GALNT18: variants seen among roughly 807,000 people sequenced by gnomAD.
GALNT18 encodes the protein GalNAc-transferase 18.
A neutral mutation model predicts 69.5 loss-of-function variants in GALNT18; 44 were observed. The ratio of observed to expected loss-of-function variants is 0.63; its 90% CI spans 0.50 to 0.81. GALNT18 has a LOEUF of 0.81. Among genes scored for constraint, GALNT18 ranks in the 40% least tolerant of loss-of-function variants. The probability of loss-of-function intolerance (pLI) is 0.00; values close to 1 mark genes in which losing one functional copy is unlikely to be tolerated. For synonymous variants in GALNT18, 364 were observed against 318.2 expected, an observed-to-expected ratio of 1.14 and a Z score of -1.53; for missense variants, 715 against 810.0, an observed-to-expected ratio of 0.88 and a Z score of 1.42.
chr11:11,474,463 T>C lies in GALNT18; in HGVS notation c.236-25527A>G, dbSNP rs376820741. Among the ~76,000 whole-genome samples the C allele has an allele frequency of 6.6e-4, 100 of 152,160 alleles. 3 individuals carry two copies. The South Asian group carries it at 0.021, about 31-fold the overall frequency. On this transcript the variant is annotated intron_variant, in intron 1 of 10. Coordinates refer to ENST00000227756, the MANE Select transcript of GALNT18 (RefSeq NM_198516.3). ...CTTGTTCTAATAGCAATGGGAAAAC[T>C]TGGAAGGGTTTTCAGCAAAAGAGGA... is the stretch of plus-strand genomic sequence containing the variant.
At chr11:11,474,624 T>C (rs1004003422) in intron 1 of GALNT18, among the ~76,000 whole-genome samples, 1 of 152,216 alleles carries the variant, frequency 6.6e-6, no homozygotes, top group South Asian at 2.1e-4. Flanking sequence ...GTATTTAAAG[T>C]ATATTTTGGA....
At position 11,469,467 on chromosome 11, in the gene GALNT18, C is replaced by T. The variant is rs1376692170; in HGVS notation, c.236-20531G>A. Among the ~76,000 whole-genome samples, 1 of 152,176 alleles carries T rather than the reference C, an allele frequency of 6.6e-6. No homozygotes were observed. The highest frequency in any genetic ancestry group is 1.5e-5 in the Non-Finnish European group (1 of 68,028). ...GGCTGCTGCAGGGCTCAACAGAAGCCCCTGTCCTCTAGAGAGCAATCCCTG... is the reference window on the plus strand; with the variant it reads ...GGCTGCTGCAGGGCTCAACAGAAGCTCCTGTCCTCTAGAGAGCAATCCCTG... On this transcript the variant is annotated intron_variant, in intron 1 of 10. Transcript: ENST00000227756. This position sits in a 1 kb window ranked among gnomAD's most constrained non-coding sequence, Gnocchi z 4.2.
chr11:11,291,546 A>G lies in GALNT18; in HGVS notation c.1677+1483T>C, dbSNP rs1156592868. ...AACTTCACAGTTTACAGCACATGTC[A>G]AAGGTTACATAGACAGGAAGGAGCA... On this transcript the variant is annotated intron_variant, in intron 10 of 10. Transcript: ENST00000227756. 2.0e-5 allele frequency among the ~76,000 whole-genome samples: 3 copies of G among 149,670 alleles called. No homozygotes were observed. The East Asian group carries it at 5.8e-4, about 29-fold the overall frequency.
intron 6 of GALNT18, chr11:11,352,764 G>A: frequency 6.2e-7 from 1 of 1,614,182 alleles, no homozygotes; most frequent in Non-Finnish European, 8.5e-7. Context: ...CTTGAAGTCT[G>A]TGTTGTTTAC....
At chr11:11,360,304 T>C (rs1485895799) in intron 6 of GALNT18, among the ~76,000 whole-genome samples, 1 of 152,228 alleles carries the variant, frequency 6.6e-6, no homozygotes. Flanking sequence ...GGTGGAGTGG[T>C]TGCTCCCTTC....
intron 1 of GALNT18, among the ~76,000 whole-genome samples, chr11:11,495,468 G>T (rs146812020): frequency 6.6e-6 from 1 of 152,140 alleles, no homozygotes; most frequent in Non-Finnish European, 1.5e-5. Context: ...GCAAAAACAG[G>T]GTTGTTGGTC....
intron 1 of GALNT18, among the ~76,000 whole-genome samples, chr11:11,539,239 C>A (rs1281517863): frequency 2.6e-5 from 4 of 152,194 alleles, no homozygotes; most frequent in African/African-American, 9.6e-5. Context: ...AGCACCCACA[C>A]CTCTGCTGCC....
chr11:11,428,496 A>G (rs369505397), intron 3 of GALNT18, among the ~76,000 whole-genome samples: 1 of 152,170 alleles, frequency 6.6e-6, no homozygotes, highest in Non-Finnish European at 1.5e-5. Context: ...GGTACCCATC[A>G]CCACAGCCAC....
At chr11:11,298,776 T>C (rs1009002501) in intron 9 of GALNT18, among the ~76,000 whole-genome samples, 1 of 152,208 alleles carries the variant, frequency 6.6e-6, no homozygotes, top group Non-Finnish European at 1.5e-5. Flanking sequence ...TCATATAACA[T>C]TTTCTTTGAA....
In GALNT18 at chr11:11,340,729, G is replaced by T; in HGVS notation, c.1278+90C>A. 2 of 1,240,212 alleles carry T rather than the reference G, an allele frequency of 1.6e-6. No individual in the cohort carries two copies. Among genetic ancestry groups the T allele is most frequent in the Non-Finnish European group, 2.3e-6 (2 of 888,524 alleles). The allele number at this position is 1,240,212 out of a possible 1,614,324, so 76.8% of individuals were successfully genotyped here. On this transcript the variant is annotated intron_variant, in intron 7 of 10. Coordinates refer to ENST00000227756, the MANE Select transcript of GALNT18 (RefSeq NM_198516.3). The surrounding 1 kb of genome is among the most constrained non-coding windows in gnomAD (Gnocchi z 4.2). ...TTGCATGGCAAACAGGACTCTGGCT[G>T]ACCCATAGGAAGAAGGGTTCGGTCC...
Position 11,402,310 on chromosome 11 carries a change from C to G in GALNT18, c.596-23046G>C, listed in dbSNP as rs1264187471. Among the ~76,000 whole-genome samples, 1 of 152,214 alleles carries G rather than the reference C, an allele frequency of 6.6e-6. No homozygotes were observed. Among genetic ancestry groups the G allele is most frequent in the Non-Finnish European group, 1.5e-5 (1 of 68,034 alleles). On this transcript the variant is annotated intron_variant, in intron 3 of 10. Transcript: ENST00000227756. The surrounding 1 kb of genome is among the most constrained non-coding windows in gnomAD (Gnocchi z 4.0). ...CTCTTCATTTATGAAATGTAAGCAA[C>G]TCATCCAATATTCTCAGAAAAAATA...
At chr11:11,330,870 T>C (rs1850006929) in intron 8 of GALNT18, among the ~76,000 whole-genome samples, 1 of 152,230 alleles carries the variant, frequency 6.6e-6, no homozygotes, top group Non-Finnish European at 1.5e-5. Context: ...CTGCTTCTCC[T>C]GCCTCTCTGG....
intron 1 of GALNT18, among the ~76,000 whole-genome samples, chr11:11,478,183 T>C (rs1856443389): frequency 6.6e-6 from 1 of 152,186 alleles, no homozygotes; most frequent in Admixed American, 6.5e-5. Flanking sequence ...ACCTGGATAG[T>C]ATCAGACCAC....
intron 8 of GALNT18, among the ~76,000 whole-genome samples, chr11:11,330,470 G>A (rs913489554): frequency 1.3e-5 from 2 of 152,212 alleles, no homozygotes; most frequent in Non-Finnish European, 2.9e-5. Context: ...CTCTGCTTAT[G>A]TAGGGGCTTG....
At chr11:11,342,640 T>C (rs1163290407) in intron 6 of GALNT18, among the ~76,000 whole-genome samples, 2 of 152,206 alleles carry the variant, frequency 1.3e-5, no homozygotes, top group Non-Finnish European at 1.5e-5. Flanking sequence ...TTAGGACCAA[T>C]AGAAAGGAAA....
chr11:11,610,677 T>G (rs1859875605), intron 1 of GALNT18, among the ~76,000 whole-genome samples: 1 of 152,230 alleles, frequency 6.6e-6, no homozygotes, highest in African/African-American at 2.4e-5. Context: ...ACATTCTATG[T>G]CATAATTCCC....
rs145596091 is a variant in GALNT18, at chr11:11,571,926, C to T, written c.235+49433G>A. ...TTCCTGTCCCTCTGCCCTGGGGAAA[C>T]ACAGTGAGCTGTATGCCCAGCAGTG... On this transcript the variant is annotated intron_variant, in intron 1 of 10. Coordinates refer to ENST00000227756, the MANE Select transcript of GALNT18 (RefSeq NM_198516.3). Among the ~76,000 whole-genome samples, 585 of 152,292 alleles carry T rather than the reference C, an allele frequency of 3.8e-3. 2 individuals are homozygous for T. Among genetic ancestry groups the T allele is most frequent in the African/African-American group, 0.013 (551 of 41,544 alleles).
chr11:11,331,269 G>T (rs1850012579), intron 8 of GALNT18, among the ~76,000 whole-genome samples: 1 of 152,134 alleles, frequency 6.6e-6, no homozygotes, highest in African/African-American at 2.4e-5. Flanking sequence ...TCACTGCATG[G>T]TTCTCTTGGG....
chr11:11,384,626 C>T (rs993310027), intron 3 of GALNT18, among the ~76,000 whole-genome samples: 4 of 152,144 alleles, frequency 2.6e-5, no homozygotes, highest in Admixed American at 2.6e-4. Context: ...GATTAGTGCA[C>T]TTATAAAAGG....
Sources: allele counts gnomAD v4.1 joint callset (sites outside exome capture counted in the v4.1 genomes callset), GRCh38; gene constraint gnomAD v4.1.1; non-coding constraint Gnocchi (gnomAD v3.1); transcripts MANE v1.5; gene names NCBI Gene and HGNC (gene_info 2026-07-23, HGNC 2026-07-21).